The following MYRIP variants were observed in gnomAD, a reference collection of about 807,000 sequenced individuals.
MYRIP encodes myosin VIIA and Rab interacting protein, also known as rab effector MyRIP.
MYRIP carries 49 observed loss-of-function variants against 98.0 expected under a neutral mutation model. That is an observed-to-expected ratio of 0.50 (90% CI 0.40 to 0.63). The LOEUF is 0.63. Among genes scored for constraint, MYRIP ranks in the 30% least tolerant of loss-of-function variants. The pLI is 0.00. For missense variants in MYRIP, 1,004 were observed against 1,058.2 expected (o/e 0.95, Z 0.71); for synonymous variants, 404 against 409.5 (o/e 0.99, Z 0.16).
intron 2 of MYRIP, among the ~76,000 whole-genome samples, chr3:39,944,761 GT>G (rs1354534104): frequency 3.3e-5 from 5 of 152,048 alleles, no homozygotes; most frequent in Non-Finnish European, 7.4e-5. Context: ...TTCATCAAAA[GT>G]TTTTTTCTTA....
At chr3:40,107,632 G>A (rs375464170) in intron 3 of MYRIP, among the ~76,000 whole-genome samples, 1 of 152,134 alleles carries the variant, frequency 6.6e-6, no homozygotes, top group Non-Finnish European at 1.5e-5. Context: ...TAGACTTAAT[G>A]ATGTCTCTGG....
intron 1 of MYRIP, among the ~76,000 whole-genome samples, chr3:39,888,849 C>T (rs1445093946): frequency 2.0e-5 from 3 of 152,038 alleles, no homozygotes; most frequent in Non-Finnish European, 4.4e-5. Context: ...ACAAACAACC[C>T]CATCAAAAAG....
chr3:39,848,099 A>G lies in MYRIP; in HGVS notation c.-31+38183A>G, dbSNP rs1339727348. On this transcript the variant is annotated intron_variant, in intron 1 of 16. Transcript: ENST00000302541. ...GAGAAGAACAAATGAGCAGCCTTCT[A>G]GTGTTATAGACGCCAGACTGTGAGT... 2.0e-5 allele frequency among the ~76,000 whole-genome samples: 3 copies of G among 152,180 alleles called. No homozygotes were observed. In the East Asian group the frequency reaches 5.8e-4, roughly 29 times the overall value.
chr3:40,067,704 A>T (rs4676465), intron 3 of MYRIP, among the ~76,000 whole-genome samples: 44,010 of 152,000 alleles, frequency 0.29, 6,451 homozygotes, highest in East Asian at 0.36. Flanking sequence ...CTAGTCCACA[A>T]GAAAGTTAAC....
intron 2 of MYRIP, among the ~76,000 whole-genome samples, chr3:40,009,663 C>T (rs1946714848): frequency 6.6e-6 from 1 of 152,174 alleles, no homozygotes; most frequent in Non-Finnish European, 1.5e-5. Context: ...CTCCTGGAAT[C>T]AGAAACCCCT....
At chr3:40,099,971 T>A in intron 3 of MYRIP, 1 of 984,010 alleles carries the variant, frequency 1.0e-6, no homozygotes, top group Non-Finnish European at 1.2e-6. Flanking sequence ...TTGTCTGAGA[T>A]TTCACAGCTC....
At chr3:39,985,428 GC>G (rs2125764588) in intron 2 of MYRIP, among the ~76,000 whole-genome samples, 1 of 116,448 alleles carries the variant, frequency 8.6e-6, no homozygotes, top group Non-Finnish European at 1.7e-5. Flanking sequence ...AGCTACCAAT[GC>G]CTTTCTTCAC....
chr3:40,145,180 G>A (rs1334656855), intron 3 of MYRIP, among the ~76,000 whole-genome samples: 2 of 152,046 alleles, frequency 1.3e-5, no homozygotes, highest in East Asian at 3.8e-4. Flanking sequence ...CCAGGGTCTG[G>A]GCCACTTCCA....
At chr3:40,188,479 GAA>G (rs35216480) in intron 9 of MYRIP, among the ~76,000 whole-genome samples, 1 of 137,632 alleles carries the variant, frequency 7.3e-6, no homozygotes. Flanking sequence ...TGGTTAAAAG[GAA>G]AAAAAAAAAA....
chr3:40,190,181 C>T lies in MYRIP; in HGVS notation c.1383C>T (p.Gly461=). The part of the protein sequence containing the change: ...MCSDSETSSA[G]SSREVGHQAR... ...CTGACTCGGAGACCTCCTCCGCAGG[C>T]TCTTCCCGAGAAGTTGGGCACCAGG... Residue 461 remains glycine, a synonymous_variant, in exon 10 of 17, where the codon GGC becomes GGT. Coordinates refer to ENST00000302541, the MANE Select transcript of MYRIP (RefSeq NM_015460.4). 1 of 1,614,182 alleles carries T rather than the reference C, an allele frequency of 6.2e-7. No homozygotes were observed. The highest frequency in any genetic ancestry group is 8.5e-7 in the Non-Finnish European group (1 of 1,180,036).
At chr3:40,078,080 G>A (rs533479335) in intron 3 of MYRIP, among the ~76,000 whole-genome samples, 2 of 152,256 alleles carry the variant, frequency 1.3e-5, no homozygotes, top group Admixed American at 6.5e-5. Context: ...CCGCGGGAAG[G>A]CAGCTAAGGC....
chr3:40,236,552 T>C (rs981756205), intron 12 of MYRIP, among the ~76,000 whole-genome samples: 4 of 152,202 alleles, frequency 2.6e-5, no homozygotes, highest in African/African-American at 9.7e-5. Context: ...GTCCTCCTGA[T>C]TTGTGATGAA....
intron 4 of MYRIP, among the ~76,000 whole-genome samples, chr3:40,156,525 T>C (rs1354862514): frequency 2.0e-5 from 3 of 152,196 alleles, no homozygotes; most frequent in Admixed American, 1.3e-4. Context: ...TCCAATTCTG[T>C]GAAGAAAGTA....
chr3:40,118,915 T>C (rs1949339917), intron 3 of MYRIP, among the ~76,000 whole-genome samples: 1 of 151,932 alleles, frequency 6.6e-6, no homozygotes, highest in African/African-American at 2.4e-5. Context: ...GAACTCATCC[T>C]TTTTTATGGC....
At chr3:39,859,110 GA>G (rs3062463) in intron 1 of MYRIP, among the ~76,000 whole-genome samples, 13,270 of 132,232 alleles carry the variant, frequency 0.1, 722 homozygotes, top group African/African-American at 0.19. Context: ...TTGGTTTTTT[GA>G]AAAAAAAAAA....
At chr3:40,099,050 G>A (rs925086192) in intron 3 of MYRIP, among the ~76,000 whole-genome samples, 14 of 152,120 alleles carry the variant, frequency 9.2e-5, no homozygotes, top group African/African-American at 2.7e-4. Flanking sequence ...GGTTGGCCCA[G>A]CTGAGAACTG....
intron 1 of MYRIP, among the ~76,000 whole-genome samples, chr3:39,841,886 T>C (rs1280944305): frequency 1.3e-5 from 2 of 152,176 alleles, no homozygotes; most frequent in African/African-American, 4.8e-5. Flanking sequence ...GTATAAGGTG[T>C]CTGTCAACCC....
At chr3:39,868,803 A>G (rs1407523351) in intron 1 of MYRIP, among the ~76,000 whole-genome samples, 1 of 152,150 alleles carries the variant, frequency 6.6e-6, no homozygotes, top group Non-Finnish European at 1.5e-5. Flanking sequence ...ACTGAAGTGT[A>G]AGTCTTTTTG....
chr3:40,146,837 T>G (rs1950021666), intron 3 of MYRIP, among the ~76,000 whole-genome samples: 1 of 152,164 alleles, frequency 6.6e-6, no homozygotes. Flanking sequence ...GTAGGCTGAT[T>G]ACAAACCACC....
Sources: allele counts gnomAD v4.1 joint callset (sites outside exome capture counted in the v4.1 genomes callset), GRCh38; gene constraint gnomAD v4.1.1; transcripts MANE v1.5; gene names NCBI Gene and HGNC (gene_info 2026-07-23, HGNC 2026-07-21).